PLCB1: variants seen among roughly 807,000 people sequenced by gnomAD.
The protein encoded by PLCB1 is phospholipase C beta 1.
PLCB1 carries 46 observed loss-of-function variants against 161.8 expected under a neutral mutation model. The observed-to-expected ratio is 0.28, with a 90% CI of 0.22 to 0.36. PLCB1 has a LOEUF of 0.36. Ranked by LOEUF, PLCB1 falls within the 10% of genes least tolerant of loss-of-function variation. PLCB1 has a pLI of 1.00. For missense variants in PLCB1, 1,016 were observed against 1,472.5 expected, an observed-to-expected ratio of 0.69 and a Z score of 5.07; for synonymous variants, 517 against 503.7, an observed-to-expected ratio of 1.03 and a Z score of -0.35.
At chr20:8,546,042 C>T (rs1481160604) in intron 3 of PLCB1, among the ~76,000 whole-genome samples, 21 of 152,000 alleles carry the variant, frequency 1.4e-4, no homozygotes, top group South Asian at 1.0e-3. Flanking sequence ...CTTGGCTGGG[C>T]GCGGTGGCTC....
chr20:8,681,086 G>GTATATATATATATAATA (rs1555782779), intron 9 of PLCB1, among the ~76,000 whole-genome samples: 1 of 73,854 alleles, frequency 1.4e-5, no homozygotes, highest in African/African-American at 5.5e-5. Flanking sequence ...ATGTGTGTGT[G>GTATATATATATATAATA]TATATATATA....
chr20:8,189,333 A>G lies in PLCB1; in HGVS notation c.177+38962A>G, dbSNP rs202070815. Among the ~76,000 whole-genome samples, 40 of 143,018 alleles carry G rather than the reference A, an allele frequency of 2.8e-4. No individual in the cohort carries two copies. In the East Asian group the frequency reaches 7.9e-3, roughly 28 times the overall value. 93.8% of individuals were successfully genotyped at this position (143,018 alleles called of 152,430 possible). A position where few individuals can be genotyped will look rare whatever the true frequency, so the allele number is the denominator to read the frequency against. The stretch of plus-strand genomic sequence containing the variant: ...CTATAGTAACTATTTTAATATATAT[A>G]TATATATAAAACATAATATCATGTT... On this transcript the variant is annotated intron_variant, in intron 2 of 31. Transcript: ENST00000338037.
chr20:8,513,293 T>C (rs1337470564), intron 3 of PLCB1, among the ~76,000 whole-genome samples: 4 of 152,194 alleles, frequency 2.6e-5, no homozygotes, highest in African/African-American at 9.6e-5. Flanking sequence ...TTCACTAAGC[T>C]ATGCAGTCAG....
chr20:8,142,004 G>C (rs1225170019), intron 1 of PLCB1: 1 of 152,190 alleles, frequency 6.6e-6, no homozygotes, highest in African/African-American at 2.4e-5. Context: ...CAACTGAGAG[G>C]CCAGATCTAT....
intron 4 of PLCB1, among the ~76,000 whole-genome samples, chr20:8,629,187 C>T (rs186079250): frequency 2.8e-4 from 42 of 152,070 alleles, no homozygotes; most frequent in African/African-American, 9.6e-4. Flanking sequence ...GTAGTAGTTA[C>T]TCAGTTAATA....
intron 3 of PLCB1, among the ~76,000 whole-genome samples, chr20:8,482,153 G>A (rs1183050743): frequency 7.0e-6 from 1 of 142,548 alleles, no homozygotes; most frequent in Non-Finnish European, 1.5e-5. Flanking sequence ...CGCCAGGCTG[G>A]AGTGAAGTGG....
At chr20:8,229,168 C>T (rs375536054) in intron 2 of PLCB1, among the ~76,000 whole-genome samples, 1 of 151,994 alleles carries the variant, frequency 6.6e-6, no homozygotes, top group East Asian at 1.9e-4. Context: ...GAAGAGCAGG[C>T]TTTTTCCTGA....
At chr20:8,416,087 T>C (rs1486616021) in intron 3 of PLCB1, among the ~76,000 whole-genome samples, 3 of 152,226 alleles carry the variant, frequency 2.0e-5, no homozygotes, top group African/African-American at 4.8e-5. Context: ...AGCCTGTAGG[T>C]TAAGGAATCT....
At chr20:8,651,778 G>A (rs1989329568) in intron 7 of PLCB1, 1 of 363,736 alleles carries the variant, frequency 2.7e-6, no homozygotes, top group African/African-American at 2.1e-5. Context: ...CTACTATTGA[G>A]AAGAAGGGAA....
chr20:8,805,901 G>A lies in PLCB1; in HGVS notation c.3423+15640G>A, dbSNP rs116261764. 1.3e-3 allele frequency among the ~76,000 whole-genome samples: 205 copies of A among 152,238 alleles called. 1 individual carries two copies. Among genetic ancestry groups the A allele is most frequent in the African/African-American group, 4.6e-3 (191 of 41,554 alleles). ...CTTATCTGTAAAATGGAAAGACGAC[G>A]AGCCTCTTTGTTAAAGAAGCATATC... On this transcript the variant is annotated intron_variant, in intron 31 of 31. Coordinates refer to ENST00000338037, the MANE Select transcript of PLCB1 (RefSeq NM_015192.4).
intron 3 of PLCB1, among the ~76,000 whole-genome samples, chr20:8,528,339 T>G (rs1984663514): frequency 1.3e-5 from 2 of 152,086 alleles, no homozygotes; most frequent in Admixed American, 1.3e-4. Context: ...TGATGATGTA[T>G]TCATACAGTG....
At chr20:8,373,697 T>C (rs1358248398) in intron 3 of PLCB1, among the ~76,000 whole-genome samples, 1 of 152,200 alleles carries the variant, frequency 6.6e-6, no homozygotes, top group Non-Finnish European at 1.5e-5. Context: ...GGTAGTAACA[T>C]TGTTGCTTTT....
chr20:8,149,387 T>C (rs1176162278), intron 1 of PLCB1, among the ~76,000 whole-genome samples: 1 of 152,176 alleles, frequency 6.6e-6, no homozygotes, highest in East Asian at 1.9e-4. Flanking sequence ...ATTAAAATCA[T>C]TCATACTGCT....
intron 2 of PLCB1, among the ~76,000 whole-genome samples, chr20:8,213,260 A>G (rs1228457867): frequency 6.6e-6 from 1 of 152,198 alleles, no homozygotes; most frequent in Non-Finnish European, 1.5e-5. Context: ...AGATAATGGC[A>G]GGAATGCCTG....
At chr20:8,396,822 C>T (rs1239602665) in intron 3 of PLCB1, among the ~76,000 whole-genome samples, 1 of 151,934 alleles carries the variant, frequency 6.6e-6, no homozygotes, top group Non-Finnish European at 1.5e-5. Flanking sequence ...GTAAGCATGG[C>T]CATGATTCTA....
chr20:8,398,168 A>G (rs922984462), intron 3 of PLCB1, among the ~76,000 whole-genome samples: 3 of 152,074 alleles, frequency 2.0e-5, no homozygotes, highest in Admixed American at 6.6e-5. Context: ...TTTCTTACCT[A>G]TGCATGAAAC....
chr20:8,865,585 C>T (rs745443841), intron 31 of PLCB1, among the ~76,000 whole-genome samples: 1 of 152,148 alleles, frequency 6.6e-6, no homozygotes, highest in Non-Finnish European at 1.5e-5. Context: ...AATAGTCCAA[C>T]ATAAGAGTTT....
At chr20:8,533,230 A>G (rs993605369) in intron 3 of PLCB1, among the ~76,000 whole-genome samples, 1 of 151,968 alleles carries the variant, frequency 6.6e-6, no homozygotes, top group African/African-American at 2.4e-5. Context: ...TCCATGGTGT[A>G]TATGTGCCAC....
intron 3 of PLCB1, among the ~76,000 whole-genome samples, chr20:8,509,827 G>C (rs945156113): frequency 3.9e-5 from 6 of 152,140 alleles, no homozygotes; most frequent in African/African-American, 1.2e-4. Flanking sequence ...GCTTCCTTCT[G>C]AAGTTTCGGG....
Sources: allele counts gnomAD v4.1 joint callset (sites outside exome capture counted in the v4.1 genomes callset), GRCh38; gene constraint gnomAD v4.1.1; transcripts MANE v1.5; gene names NCBI Gene and HGNC (gene_info 2026-07-23, HGNC 2026-07-21).